HERC2: variants seen among roughly 807,000 people sequenced by gnomAD.
HERC2 encodes the protein HECT and RLD domain containing E3 ubiquitin protein ligase 2.
HERC2 carries 102 observed loss-of-function variants against 537.7 expected under a neutral mutation model. The ratio of observed to expected loss-of-function variants is 0.19; its 90% CI spans 0.16 to 0.22. The LOEUF (loss-of-function observed/expected upper bound fraction) is 0.22. Among genes scored for constraint, HERC2 ranks in the 10% least tolerant of loss-of-function variants. HERC2 has a pLI of 1.00. For synonymous variants in HERC2, 2,224 were observed against 2,466.2 expected, an observed-to-expected ratio of 0.90 and a Z score of 2.91; for missense variants, 4,236 against 6,198.2, an observed-to-expected ratio of 0.68 and a Z score of 10.63.
chr15:28,244,155 C>A (rs1260711314), intron 23 of HERC2, among the ~76,000 whole-genome samples: 2 of 152,000 alleles, frequency 1.3e-5, no homozygotes, highest in Non-Finnish European at 2.9e-5. Flanking sequence ...CACAGCAAGA[C>A]CCTTGCCTCA....
intron 35 of HERC2, among the ~76,000 whole-genome samples, chr15:28,222,901 A>C (rs185947371): frequency 6.6e-6 from 1 of 152,332 alleles, no homozygotes; most frequent in South Asian, 2.1e-4. Flanking sequence ...GACACAGCTC[A>C]GTGCCAGGGC....
chr15:28,112,275 C>T (rs777759752), intron 92 of HERC2, among the ~76,000 whole-genome samples: 3 of 152,140 alleles, frequency 2.0e-5, no homozygotes, highest in Non-Finnish European at 4.4e-5. Context: ...GAAGAGGGCC[C>T]GAGGACCACA....
chr15:28,248,413 T>G (rs1239277309), intron 21 of HERC2, 139 bp downstream of exon 21: 2 of 586,650 alleles, frequency 3.4e-6, no homozygotes, highest in Non-Finnish European at 5.9e-6. Context: ...AAAAAGTGGA[T>G]GCAAAATGAA....
intron 69 of HERC2, among the ~76,000 whole-genome samples, chr15:28,162,672 G>A (rs1263918040): frequency 2.6e-5 from 4 of 152,074 alleles, no homozygotes; most frequent in Non-Finnish European, 5.9e-5. Flanking sequence ...GGTGGATCAC[G>A]AGGTCAGGAG....
rs772998165 is a variant in HERC2 at position 28,230,453 on chromosome 15, C to T, written c.4723G>A (p.Glu1575Lys). The change falls in exon 31 of 93, where the codon GAA (glutamate) becomes AAA (lysine). Residue 1575 changes from glutamate (E) to lysine (K), a missense_variant. This residue lies in a region of HERC2 where 343 missense variants were observed against 417.2 expected (regional missense o/e 0.82). Transcript: ENST00000261609. ...STDDEEKIGN[E>K]ESDLEEACIL... is the part of the protein sequence containing the mutation. ...CAAGCTTCTTCTAAATCACTCTCTT[C>T]GTTTCCAATTTTTTCTTCATCATCC... 6.4e-6 allele frequency: 9 copies of T among 1,416,490 alleles called. No homozygotes were observed. Among genetic ancestry groups the T allele is most frequent in the African/African-American group, 1.4e-5 (1 of 70,360 alleles). The allele number at this position is 1,416,490 out of a possible 1,614,324, so 87.7% of individuals were successfully genotyped here. A position where few individuals can be genotyped will look rare whatever the true frequency, so the allele number is the denominator to read the frequency against.
rs368750008 is a variant in HERC2 at position 28,262,952 on chromosome 15, A to G, written c.2088T>C (p.His696=). Residue 696 remains histidine (H), a synonymous_variant, in exon 15 of 93, where the codon CAT becomes CAC. Coordinates refer to ENST00000261609, the MANE Select transcript of HERC2 (RefSeq NM_004667.6). ...NQRLGHGTEE[H]VRYPKLLEGL... ...CTTCTAAGAGTTTTGGATAACGAAC[A>G]TGTTCCTCTGTTCCATGTCCAAGTC... The G allele has an allele frequency of 6.4e-5, 103 of 1,614,096 alleles. No homozygotes were observed. The highest frequency in any genetic ancestry group is 1.7e-4 in the Admixed American group (10 of 60,000).
In HERC2 at chr15:28,111,574, T is replaced by C; in HGVS notation, c.*189A>G. On this transcript the variant is annotated 3_prime_UTR_variant, in exon 93 of 93. Coordinates refer to ENST00000261609, the MANE Select transcript of HERC2 (RefSeq NM_004667.6). Reference sequence around the variant, plus strand: ...CTTGGAAGTCGAGCGTCCACAGTGTTCCACGCGCACAGGCGGACCTTCTCA... The same window carrying C: ...CTTGGAAGTCGAGCGTCCACAGTGTCCCACGCGCACAGGCGGACCTTCTCA... The C allele has an allele frequency of 1.6e-6, 1 of 617,886 alleles. No individual in the cohort carries two copies. The highest frequency in any genetic ancestry group is 2.0e-5 in the South Asian group (1 of 49,588). The allele number at this position is 617,886 out of a possible 1,614,324, so 38.3% of individuals were successfully genotyped here. A position where few individuals can be genotyped will look rare whatever the true frequency, so the allele number is the denominator to read the frequency against.
At chr15:28,267,285 T>A (rs2075595236) in intron 12 of HERC2, among the ~76,000 whole-genome samples, 1 of 152,230 alleles carries the variant, frequency 6.6e-6, no homozygotes, top group African/African-American at 2.4e-5. Context: ...CCCAAAAGGT[T>A]ATCTCCAGCT....
intron 83 of HERC2, among the ~76,000 whole-genome samples, chr15:28,125,843 C>T (rs1306067971): frequency 1.3e-5 from 2 of 152,148 alleles, no homozygotes; most frequent in Non-Finnish European, 2.9e-5. Flanking sequence ...TGAAGTCTCA[C>T]TTTGTCGCCC....
intron 55 of HERC2, among the ~76,000 whole-genome samples, chr15:28,189,500 A>T (rs190547314): frequency 3.0e-4 from 46 of 152,350 alleles, no homozygotes; most frequent in Middle Eastern, 6.8e-3. Flanking sequence ...AGATAAATTC[A>T]ATATTATCTT....
At position 28,265,824 on chromosome 15, in the gene HERC2, C is replaced by T. The variant is rs757359487; in HGVS notation, c.1749G>A (p.Leu583=). The change falls in exon 13 of 93, where the codon CTG becomes CTA. Residue 583 remains leucine (L), a synonymous_variant. Transcript: ENST00000261609. The surrounding 1 kb of genome is among the most constrained non-coding windows in gnomAD (Gnocchi z 4.0). The part of the protein sequence containing the change: ...YTWGRGNYGR[L]GHGSSEDEAI... ...CATGCAGAGCAGACGTACCATGGCC[C>T]AGCCGGCCGTAGTTCCCGCGGCCCC... The T allele has an allele frequency of 2.5e-6, 4 of 1,614,046 alleles. No homozygotes were observed. The South Asian group carries it at 4.4e-5, about 18-fold the overall frequency.
chr15:28,320,497 G>A (rs1245199700), intron 2 of HERC2: 3 of 151,892 alleles, frequency 2.0e-5, no homozygotes, highest in African/African-American at 7.3e-5. Flanking sequence ...TTAGGAAGGG[G>A]CAATAACACT....
intron 68 of HERC2, among the ~76,000 whole-genome samples, chr15:28,164,521 T>C (rs776850465): frequency 6.6e-6 from 1 of 151,104 alleles, no homozygotes; most frequent in Non-Finnish European, 1.5e-5. Context: ...AGTCTTGAGA[T>C]TGAAATGTAC....
chr15:28,144,111 G>C lies in HERC2; in HGVS notation c.11265C>G (p.Ala3755=). 3 of 1,614,206 alleles carry C rather than the reference G, an allele frequency of 1.9e-6. No homozygotes were observed. Among genetic ancestry groups the C allele is most frequent in the Non-Finnish European group, 1.7e-6 (2 of 1,180,042 alleles). ...TCAGCTGTGCACAAGCTGCCAGCGA[G>C]GCCGCAAGGCGAGGGACGATGCTTC... ...SNRSIVPRLA[A]SLAACAQLSA... The change falls in exon 73 of 93, where the codon GCC becomes GCG. Residue 3755 remains alanine (A), a synonymous_variant. Transcript: ENST00000261609.
At chr15:28,126,430 A>G (rs1213916629) in intron 83 of HERC2, among the ~76,000 whole-genome samples, 1 of 152,206 alleles carries the variant, frequency 6.6e-6, no homozygotes, top group Admixed American at 6.5e-5. Context: ...ACACTTGCAC[A>G]CACATGTTTA....
At chr15:28,214,362 C>T in intron 40 of HERC2, 90 bp from the exon 41 acceptor site, 4 of 1,136,898 alleles carry the variant, frequency 3.5e-6, no homozygotes, top group Non-Finnish European at 5.3e-6. Context: ...AGTGACGGCA[C>T]TGCGCCGCTC....
chr15:28,200,060 A>AT (rs1334473362), intron 48 of HERC2, among the ~76,000 whole-genome samples: 1 of 152,138 alleles, frequency 6.6e-6, no homozygotes, highest in Non-Finnish European at 1.5e-5. Context: ...AAATCAGGTC[A>AT]TAAGAGTGGG....
intron 81 of HERC2, among the ~76,000 whole-genome samples, chr15:28,131,520 G>C (rs1263768988): frequency 6.6e-6 from 1 of 152,220 alleles, no homozygotes; most frequent in African/African-American, 2.4e-5. Flanking sequence ...CCACGTACCA[G>C]CCACCCATTC....
intron 70 of HERC2, among the ~76,000 whole-genome samples, chr15:28,149,713 G>A (rs571480925): frequency 6.5e-4 from 98 of 150,526 alleles, no homozygotes; most frequent in African/African-American, 2.1e-3. Context: ...CCACATGAAC[G>A]CACGTTCTAG....
Sources: allele counts gnomAD v4.1 joint callset (sites outside exome capture counted in the v4.1 genomes callset), GRCh38; gene constraint gnomAD v4.1.1; regional missense constraint gnomAD v4.1.1; non-coding constraint Gnocchi (gnomAD v3.1); transcripts MANE v1.5; gene names NCBI Gene and HGNC (gene_info 2026-07-23, HGNC 2026-07-21).